TLE5: variants seen among roughly 807,000 people sequenced by gnomAD.
TLE5 encodes TLE family member 5, transcriptional modulator, also known as TLE family member 5.
A neutral mutation model predicts 25.8 loss-of-function variants in TLE5; 7 were observed. That is an observed-to-expected ratio of 0.27 (90% CI 0.15 to 0.51). TLE5 has a LOEUF of 0.51. Ranked by LOEUF, TLE5 falls within the 20% of genes least tolerant of loss-of-function variation. TLE5 has a pLI of 0.97. For missense variants in TLE5, 149 were observed against 250.7 expected, an observed-to-expected ratio of 0.59 and a Z score of 2.74; for synonymous variants, 132 against 110.5, an observed-to-expected ratio of 1.20 and a Z score of -1.22.
chr19:3,062,713 G>C, upstream of TLE5: 1 of 1,516,836 alleles, frequency 6.6e-7, no homozygotes, highest in Non-Finnish European at 8.8e-7. Flanking sequence ...GCAGCCGGCC[G>C]GGCCTCGGTT....
At chr19:3,056,272 A>AAGGAGGAGG (rs756419198) in intron 4 of TLE5, 40 bp downstream of exon 4, 4 of 1,206,642 alleles carry the variant, frequency 3.3e-6, no homozygotes, top group African/African-American at 3.5e-5. Context: ...GAGGAGGGGG[A>AAGGAGGAGG]AGGAGGAGGA....
intron 2 of TLE5, 144 bp from the exon 3 acceptor site, chr19:3,057,886 T>TA: frequency 1.7e-6 from 1 of 605,564 alleles, no homozygotes; most frequent in Non-Finnish European, 2.8e-6. Flanking sequence ...CAAGCAATAA[T>TA]TTTTTTTTTA....
At chr19:3,059,271 C>G (rs562856059) in intron 2 of TLE5, among the ~76,000 whole-genome samples, 68 of 152,296 alleles carry the variant, frequency 4.5e-4, no homozygotes, top group African/African-American at 1.6e-3. Flanking sequence ...CCTGTAATCC[C>G]AGCATTTTGG....
At position 3,053,671 on chromosome 19, in the gene TLE5, G is replaced by A; in HGVS notation, c.*148C>T. On this transcript the variant is annotated 3_prime_UTR_variant, in exon 7 of 7. Coordinates refer to ENST00000327141, the MANE Select transcript of TLE5 (RefSeq NM_001130.6). ...AAGCTAGAGGTGGCCTGCAAGCTGG[G>A]CTGGGGCCCCCGCCGGCGGCCACCA... The A allele has an allele frequency of 1.1e-6, 1 of 893,056 alleles. No individual in the cohort carries two copies. The highest frequency in any genetic ancestry group is 1.7e-5 in the African/African-American group (1 of 59,344). The allele number at this position is 893,056 out of a possible 1,614,324, so 55.3% of individuals were successfully genotyped here. A position where few individuals can be genotyped will look rare whatever the true frequency, so the allele number is the denominator to read the frequency against.
rs2090187733 is a variant in TLE5 at position 3,053,098 on chromosome 19, A to G, written c.*721T>C. ...TTTTTTTTTAATATCCCCTTTCTTA[A>G]AAGACAAGCTAGTATACTGGAAAAA... On this transcript the variant is annotated 3_prime_UTR_variant, in exon 7 of 7. Coordinates refer to ENST00000327141, the MANE Select transcript of TLE5 (RefSeq NM_001130.6). 3 of 151,976 alleles carry G rather than the reference A, an allele frequency of 2.0e-5. No individual in the cohort carries two copies. The South Asian group carries it at 6.2e-4, about 32-fold the overall frequency. 9.4% of individuals were successfully genotyped at this position (151,976 alleles called of 1,614,324 possible). A position where few individuals can be genotyped will look rare whatever the true frequency, so the allele number is the denominator to read the frequency against.
chr19:3,061,183 C>T lies in TLE5; in HGVS notation c.102G>A (p.Gln34=), dbSNP rs147797904. The T allele has an allele frequency of 1.6e-5, 26 of 1,613,564 alleles. No homozygotes were observed. Among genetic ancestry groups the T allele is most frequent in the Non-Finnish European group, 2.0e-5 (24 of 1,179,694 alleles). ...DSCDRIKDEF[Q]LLQAQYHSLK... ...ACCTGTGGTACTGAGCTTGCAGTAG[C>T]TGAAATTCGTCTTTGATGCGGTCGC... Residue 34 remains glutamine (Q), a synonymous_variant, in exon 2 of 7, where the codon CAG becomes CAA. Coordinates refer to ENST00000327141, the MANE Select transcript of TLE5 (RefSeq NM_001130.6).
At chr19:3,056,382 C>CTT in intron 3 of TLE5, 26 bp from the exon 4 acceptor site, 1 of 665,770 alleles carries the variant, frequency 1.5e-6, no homozygotes, top group Non-Finnish European at 2.1e-6. Context: ...AGAGGGGGAG[C>CTT]GGGAGATGGG....
rs1227381043 is a variant in TLE5 at position 3,058,697 on chromosome 19, G to GC, written c.126-956dup. The stretch of plus-strand genomic sequence containing the variant: ...GATGAGCTGTGGGGCGTTTCTCAAA[G>GC]CCCCCATGAGGGCGTCATGGCCGGA... On this transcript the variant is annotated intron_variant, in intron 2 of 6. Coordinates refer to ENST00000327141, the MANE Select transcript of TLE5 (RefSeq NM_001130.6). Among the ~76,000 whole-genome samples, 5 of 152,328 alleles carry GC rather than the reference G, an allele frequency of 3.3e-5. No homozygotes were observed. The East Asian group carries it at 9.6e-4, about 29-fold the overall frequency.
intron 3 of TLE5, chr19:3,056,597 TG>T (rs746473109): frequency 3.0e-6 from 2 of 662,860 alleles, no homozygotes; most frequent in South Asian, 1.5e-5. Flanking sequence ...GGATGGAGAC[TG>T]GGGGCACTTT....
At chr19:3,061,039 T>A in intron 2 of TLE5, 121 bp downstream of exon 2, 2 of 694,798 alleles carry the variant, frequency 2.9e-6, no homozygotes, top group East Asian at 2.6e-5. Context: ...GTCAAGTGAT[T>A]AGGTCAGAGT....
chr19:3,057,894 T>C, intron 2 of TLE5, 152 bp from the exon 3 acceptor site: 1 of 703,360 alleles, frequency 1.4e-6, no homozygotes, highest in Admixed American at 2.6e-5. Flanking sequence ...AATTTTTTTT[T>C]TAAATTGAGA....
intron 1 of TLE5, 95 bp from the exon 2 acceptor site, chr19:3,061,352 C>T: frequency 2.3e-6 from 2 of 875,974 alleles, no homozygotes; most frequent in African/African-American, 1.7e-5. Context: ...CTGCGGCGCC[C>T]CCCCTCCTGC....
chr19:3,061,588 G>A (rs900180464), intron 1 of TLE5, among the ~76,000 whole-genome samples: 1 of 151,836 alleles, frequency 6.6e-6, no homozygotes, highest in African/African-American at 2.4e-5. Context: ...ATCCGAGGGG[G>A]GTAGAAACGC....
intron 4 of TLE5, chr19:3,056,024 G>T (rs147578585): frequency 1.9e-6 from 1 of 526,100 alleles, no homozygotes; most frequent in African/African-American, 1.9e-5. Context: ...GGTAGTAAGC[G>T]CTTGTGCGAA....
rs2090188011 is a variant in TLE5, at chr19:3,053,129, AAAT to A, written c.*687_*689del. ...AAGCTAGTATACTGGAAAAAGAAAA[AAAT>A]AATAATAAAATAAAAACCAAGACAA... On this transcript the variant is annotated 3_prime_UTR_variant, in exon 7 of 7. Coordinates refer to ENST00000327141, the MANE Select transcript of TLE5 (RefSeq NM_001130.6). 1 of 152,130 alleles carries A rather than the reference AAAT, an allele frequency of 6.6e-6. No homozygotes were observed. The highest frequency in any genetic ancestry group is 2.4e-5 in the African/African-American group (1 of 41,502). The allele number at this position is 152,130 out of a possible 1,614,324, so 9.4% of individuals were successfully genotyped here.
Position 3,053,785 on chromosome 19 carries a change from TC to T in TLE5, c.*33del. ...TCTCCGTGCCTCTGTCTCCCCTCTG[TC>T]CCCCCTCCCAACCTCCCTGTCCCGG... On this transcript the variant is annotated 3_prime_UTR_variant, in exon 7 of 7. Transcript: ENST00000327141. The T allele has an allele frequency of 1.3e-6, 2 of 1,597,252 alleles. No individual in the cohort carries two copies. Among genetic ancestry groups the T allele is most frequent in the Non-Finnish European group, 1.7e-6 (2 of 1,168,226 alleles).
chr19:3,058,995 T>C (rs370398776), intron 2 of TLE5, among the ~76,000 whole-genome samples: 2 of 151,860 alleles, frequency 1.3e-5, no homozygotes, highest in African/African-American at 4.8e-5. Flanking sequence ...CCTCGCAGGG[T>C]GGGGTGGAGA....
At position 3,054,107 on chromosome 19, in the gene TLE5, TC is replaced by T; in HGVS notation, c.372+12del. 8.3e-6 allele frequency: 3 copies of T among 362,626 alleles called. No homozygotes were observed. Among genetic ancestry groups the T allele is most frequent in the South Asian group, 7.7e-5 (3 of 39,046 alleles). 22.5% of individuals were successfully genotyped at this position (362,626 alleles called of 1,614,324 possible). On this transcript the variant is annotated intron_variant, in intron 6 of 6. Coordinates refer to ENST00000327141, the MANE Select transcript of TLE5 (RefSeq NM_001130.6). ...CCTGTCCCCCGCCCACCCGCCCAGG[TC>T]CCCATACATACTCGGATGATAGAGT...
intron 1 of TLE5, among the ~76,000 whole-genome samples, chr19:3,061,886 TG>T (rs376264879): frequency 0.63 from 38,019 of 60,402 alleles, 12,522 homozygotes; most frequent in Non-Finnish European, 0.75. Context: ...CCCGGCGGGT[TG>T]GGGGGGGGGG....
Sources: gnomAD v4.1 joint callset for allele counts (sites outside exome capture counted in the v4.1 genomes callset) on GRCh38, gnomAD v4.1.1 for gene constraint, MANE v1.5 for transcripts, NCBI Gene and HGNC (gene_info 2026-07-23, HGNC 2026-07-21) for gene names.